ADK: variants seen among roughly 807,000 people sequenced by gnomAD.
ADK encodes the protein adenosine kinase, also known as N6,N6-dimethyladenosine kinase.
A neutral mutation model predicts 44.7 loss-of-function variants in ADK; 24 were observed. The observed-to-expected ratio is 0.54, with a 90% CI of 0.39 to 0.76. The LOEUF (loss-of-function observed/expected upper bound fraction) is 0.76, where lower values mean the gene tolerates loss of function less well. Among genes scored for constraint, ADK ranks in the 30% least tolerant of loss-of-function variants. The probability of loss-of-function intolerance (pLI) is 0.00; values close to 1 mark genes in which losing one functional copy is unlikely to be tolerated. For missense variants in ADK, 321 were observed against 425.1 expected (o/e 0.76, Z 2.15); for synonymous variants, 128 against 142.6 (o/e 0.90, Z 0.73).
intron 7 of ADK, among the ~76,000 whole-genome samples, chr10:74,526,769 T>A (rs1849058903): frequency 6.6e-6 from 1 of 152,224 alleles, no homozygotes; most frequent in Non-Finnish European, 1.5e-5. Flanking sequence ...CAAGAAATAG[T>A]GGTAATAGCC....
At position 74,216,687 on chromosome 10, in the gene ADK, T is replaced by C. The variant is rs144189584; in HGVS notation, c.141-7851T>C. 9.9e-4 allele frequency among the ~76,000 whole-genome samples: 147 copies of C among 148,736 alleles called. 2 individuals carry two copies. The East Asian group carries it at 0.028, about 28-fold the overall frequency. ...TTGCGGTGAGCCACAATCATGCCACTGTACTTCAGCCTGGGTGACAGAGTG... is the reference window on the plus strand; with the variant it reads ...TTGCGGTGAGCCACAATCATGCCACCGTACTTCAGCCTGGGTGACAGAGTG... On this transcript the variant is annotated intron_variant, in intron 2 of 10. Transcript: ENST00000539909.
rs117793093 is a variant in ADK at position 74,164,037 on chromosome 10, C to G, written c.65+12694C>G. On this transcript the variant is annotated intron_variant, in intron 1 of 10. Transcript: ENST00000539909. ...TGTTGTCTATATCTGTTCTCACCTA[C>G]TCAGGATGAATTGATTATAAAACAT... Among the ~76,000 whole-genome samples, 324 of 152,252 alleles carry G rather than the reference C, an allele frequency of 2.1e-3. 1 individual carries two copies. Among genetic ancestry groups the G allele is most frequent in the Middle Eastern group, 0.01 (3 of 294 alleles).
intron 6 of ADK, among the ~76,000 whole-genome samples, chr10:74,432,435 G>A (rs1416636822): frequency 6.6e-6 from 1 of 152,114 alleles, no homozygotes; most frequent in Non-Finnish European, 1.5e-5. Flanking sequence ...GAAATAAATG[G>A]TGATAGTATT....
chr10:74,419,064 A>G (rs889042451), intron 6 of ADK, among the ~76,000 whole-genome samples: 1 of 152,144 alleles, frequency 6.6e-6, no homozygotes, highest in African/African-American at 2.4e-5. Flanking sequence ...AAATAATATA[A>G]TTCTTATAAG....
chr10:74,575,460 C>T (rs953580758), intron 7 of ADK, among the ~76,000 whole-genome samples: 7 of 152,122 alleles, frequency 4.6e-5, no homozygotes, highest in African/African-American at 1.4e-4. Context: ...AAGAAGACTT[C>T]TGTTATGCAA....
chr10:74,649,670 G>A (rs1854192831), intron 9 of ADK, among the ~76,000 whole-genome samples: 1 of 151,418 alleles, frequency 6.6e-6, no homozygotes, highest in Non-Finnish European at 1.5e-5. Context: ...TAATATTCAA[G>A]TATTTAATAT....
intron 6 of ADK, among the ~76,000 whole-genome samples, chr10:74,491,579 C>A (rs1009891700): frequency 1.4e-4 from 21 of 152,066 alleles, no homozygotes. Context: ...GACCTCCTGG[C>A]CTTTTACTCT....
In ADK at chr10:74,458,200, C is replaced by T. The variant is rs1335117022; in HGVS notation, c.555+59621C>T. Among the ~76,000 whole-genome samples, 6 of 142,784 alleles carry T rather than the reference C, an allele frequency of 4.2e-5. No homozygotes were observed. The Admixed American group carries it at 4.3e-4, about 10-fold the overall frequency. The allele number at this position is 142,784 out of a possible 152,430, so 93.7% of individuals were successfully genotyped here. A position where few individuals can be genotyped will look rare whatever the true frequency, so the allele number is the denominator to read the frequency against. Reference sequence around the variant, plus strand: ...TGGCTGGAGTGCAGCGGTATGATCACCGCTCACTGTGGCCTCAGCCTCACA... The same window carrying T: ...TGGCTGGAGTGCAGCGGTATGATCATCGCTCACTGTGGCCTCAGCCTCACA... On this transcript the variant is annotated intron_variant, in intron 6 of 10. Coordinates refer to ENST00000539909, the MANE Select transcript of ADK (RefSeq NM_006721.4).
chr10:74,263,218 T>C (rs996386146), intron 3 of ADK, among the ~76,000 whole-genome samples: 2 of 152,200 alleles, frequency 1.3e-5, no homozygotes, highest in African/African-American at 4.8e-5. Context: ...GAAACTTTGC[T>C]TTTTACTGCT....
At chr10:74,354,160 A>G (rs1349503271) in intron 4 of ADK, among the ~76,000 whole-genome samples, 2 of 152,248 alleles carry the variant, frequency 1.3e-5, no homozygotes, top group Non-Finnish European at 2.9e-5. Context: ...AGTTGTGTGT[A>G]AGAATAGGAG....
rs546942571 is a variant in ADK, at chr10:74,250,403, G to C, written c.194+25812G>C. 2.0e-5 allele frequency among the ~76,000 whole-genome samples: 3 copies of C among 152,288 alleles called. No homozygotes were observed. In the South Asian group the frequency reaches 6.2e-4, roughly 32 times the overall value. The stretch of plus-strand genomic sequence containing the variant: ...GTAGGCAAGGTCTGTTTGGAGAATG[G>C]TGAGATATTGTGTAGTTTGGGTAAA... On this transcript the variant is annotated intron_variant, in intron 3 of 10. Coordinates refer to ENST00000539909, the MANE Select transcript of ADK (RefSeq NM_006721.4).
At chr10:74,236,640 A>C (rs1844968874) in intron 3 of ADK, among the ~76,000 whole-genome samples, 1 of 152,202 alleles carries the variant, frequency 6.6e-6, no homozygotes, top group Non-Finnish European at 1.5e-5. Context: ...CTTATATAGT[A>C]ATCTGGTTTT....
chr10:74,206,685 A>G (rs1843609770), intron 2 of ADK, among the ~76,000 whole-genome samples: 1 of 152,238 alleles, frequency 6.6e-6, no homozygotes, highest in South Asian at 2.1e-4. Flanking sequence ...TTAGGCATAT[A>G]TAACCTGAAG....
intron 7 of ADK, among the ~76,000 whole-genome samples, chr10:74,558,788 A>G (rs995465165): frequency 1.1e-4 from 16 of 152,190 alleles, no homozygotes; most frequent in African/African-American, 3.9e-4. Context: ...TGGAAGCTAG[A>G]AAGGCAAGAA....
intron 1 of ADK, among the ~76,000 whole-genome samples, chr10:74,180,515 A>G (rs1042808321): frequency 1.5e-5 from 2 of 132,098 alleles, no homozygotes; most frequent in Non-Finnish European, 3.1e-5. Flanking sequence ...GCTGGAGTGC[A>G]GTGGTGCGAT....
chr10:74,679,316 TA>T (rs1855515833), intron 10 of ADK, among the ~76,000 whole-genome samples: 1 of 152,222 alleles, frequency 6.6e-6, no homozygotes, highest in Non-Finnish European at 1.5e-5. Context: ...GGCAAGAAAG[TA>T]AATTTCCATA....
chr10:74,283,236 C>G (rs1847016171), intron 3 of ADK, among the ~76,000 whole-genome samples: 1 of 152,076 alleles, frequency 6.6e-6, no homozygotes, highest in Non-Finnish European at 1.5e-5. Flanking sequence ...ACCTTTATCT[C>G]CATTCCATTT....
intron 3 of ADK, among the ~76,000 whole-genome samples, chr10:74,236,024 A>G (rs1011335329): frequency 2.6e-5 from 4 of 152,230 alleles, no homozygotes; most frequent in African/African-American, 4.8e-5. Flanking sequence ...TGAGAAACAT[A>G]TTAATGTTTC....
At chr10:74,468,092 A>G (rs1357990878) in intron 6 of ADK, among the ~76,000 whole-genome samples, 1 of 152,178 alleles carries the variant, frequency 6.6e-6, no homozygotes, top group Non-Finnish European at 1.5e-5. Context: ...TAAGGGTCCC[A>G]GGTGAGCAAT....
Sources: gnomAD v4.1 joint callset for allele counts (sites outside exome capture counted in the v4.1 genomes callset) on GRCh38, gnomAD v4.1.1 for gene constraint, MANE v1.5 for transcripts, NCBI Gene and HGNC (gene_info 2026-07-23, HGNC 2026-07-21) for gene names.